LIMS2: variants seen among roughly 807,000 people sequenced by gnomAD.
LIMS2 encodes LIM and senescent cell antigen-like-containing domain protein 2.
A neutral mutation model predicts 45.3 loss-of-function variants in LIMS2; 30 were observed. The ratio of observed to expected loss-of-function variants is 0.66; its 90% CI spans 0.50 to 0.90. The LOEUF (loss-of-function observed/expected upper bound fraction) is 0.90. Ranked by LOEUF, LIMS2 falls within the 40% of genes least tolerant of loss-of-function variation. The pLI is 0.00. For synonymous variants in LIMS2, 173 were observed against 188.0 expected (o/e 0.92, Z 0.65); for missense variants, 485 against 468.7 (o/e 1.03, Z -0.32).
intron 1 of LIMS2, among the ~76,000 whole-genome samples, chr2:127,681,023 A>T (rs750440833): frequency 2.0e-5 from 3 of 152,010 alleles, no homozygotes; most frequent in Non-Finnish European, 2.9e-5. Context: ...TCCCATTGTG[A>T]CCTTCCCACT....
Position 127,639,381 on chromosome 2 carries a change from T to C in LIMS2, c.926A>G (p.Tyr309Cys). The C allele has an allele frequency of 1.9e-6, 3 of 1,613,926 alleles. No homozygotes were observed. The highest frequency in any genetic ancestry group is 2.5e-6 in the Non-Finnish European group (3 of 1,179,892). Residue 309 changes from tyrosine (Y) to cysteine (C), a missense_variant, in exon 10 of 10, where the codon TAC becomes TGC. Transcript: ENST00000355119. ...CTTCAGCTCCAGCGGGAACTTCTCGTAGCACCTCTTACACACGGGCTTCAT... is the reference window on the plus strand; with the variant it reads ...CTTCAGCTCCAGCGGGAACTTCTCGCAGCACCTCTTACACACGGGCTTCAT... ...FDMKPVCKRC[Y>C]EKFPLELKKR...
In LIMS2 at chr2:127,651,761, G is replaced by A. The variant is rs200198327; in HGVS notation, c.359+2663C>T. The A allele has an allele frequency of 2.5e-6, 4 of 1,610,048 alleles. No individual in the cohort carries two copies. In the East Asian group the frequency reaches 8.9e-5, roughly 36 times the overall value. ...GTGCCAAGTCAGAGCTGTGAGCGGGGGGCGCCGTCCAGGCCGAGCGCAGAC... is the reference window on the plus strand; with the variant it reads ...GTGCCAAGTCAGAGCTGTGAGCGGGAGGCGCCGTCCAGGCCGAGCGCAGAC... On this transcript the variant is annotated intron_variant, in intron 4 of 9. Coordinates refer to ENST00000355119, the MANE Select transcript of LIMS2 (RefSeq NM_001161403.3).
chr2:127,672,575 G>A lies in LIMS2; in HGVS notation c.11+2439C>T, dbSNP rs149395417. ...GGCCCACCTCACAGCCAGTCAGTTG[G>A]GTCCTGTCCACTCCACCTCCCAGAA... On this transcript the variant is annotated intron_variant, in intron 1 of 9. Transcript: ENST00000355119. The surrounding 1 kb of genome is among the most constrained non-coding windows in gnomAD (Gnocchi z 4.9). 4.8e-3 allele frequency among the ~76,000 whole-genome samples: 735 copies of A among 152,268 alleles called. 3 individuals are homozygous for A. The highest frequency in any genetic ancestry group is 7.5e-3 in the Non-Finnish European group (512 of 68,020).
chr2:127,660,847 C>T (rs779396410), intron 1 of LIMS2, among the ~76,000 whole-genome samples: 13 of 148,620 alleles, frequency 8.7e-5, no homozygotes, highest in Non-Finnish European at 1.0e-4. Context: ...AGCAGTTCCT[C>T]GGCTGGTCCC....
rs1558901405 is a variant in LIMS2 at position 127,668,693 on chromosome 2, AAAAAAAAAAAAAAAAAAACAC to A, written c.11+6300_11+6320del. On this transcript the variant is annotated intron_variant, in intron 1 of 9. Coordinates refer to ENST00000355119, the MANE Select transcript of LIMS2 (RefSeq NM_001161403.3). ...CAAAAAAAAAAAAAAAAAAAAAAAAAAAAAAAAAAAAAAAAAAACACCTTACTTAAAAATTACAATTTACTT... is the reference window on the plus strand; with the variant it reads ...CAAAAAAAAAAAAAAAAAAAAAAAAACTTACTTAAAAATTACAATTTACTT... Among the ~76,000 whole-genome samples the A allele has an allele frequency of 5.9e-4, 79 of 134,524 alleles. 3 individuals carry two copies. Among genetic ancestry groups the A allele is most frequent in the African/African-American group, 1.6e-3 (51 of 31,894 alleles). 88.3% of individuals were successfully genotyped at this position (134,524 alleles called of 152,430 possible).
chr2:127,661,323 C>T (rs553890442), intron 1 of LIMS2, among the ~76,000 whole-genome samples: 14 of 152,344 alleles, frequency 9.2e-5, no homozygotes, highest in South Asian at 4.1e-4. Flanking sequence ...ATGGCACCCA[C>T]GTGTCCAGCA....
chr2:127,660,960 T>A (rs1350058756), intron 1 of LIMS2, among the ~76,000 whole-genome samples: 10 of 152,150 alleles, frequency 6.6e-5, no homozygotes, highest in Admixed American at 3.3e-4. Flanking sequence ...GGCCACCTCC[T>A]TCCTGTGCCC....
intron 1 of LIMS2, among the ~76,000 whole-genome samples, chr2:127,668,697 A>AAAAAAAAAAAAAAAAAAAAAAAAAAC (rs1685142162): frequency 1.2e-5 from 1 of 85,762 alleles, no homozygotes; most frequent in Non-Finnish European, 2.6e-5. Context: ...AAAAAAAAAA[A>AAAAAAAAAAAAAAAAAAAAAAAAAAC]AAAAAAAAAA....
At position 127,664,361 on chromosome 2, in the gene LIMS2, C is replaced by T. The variant is rs1037569324; in HGVS notation, c.12-6799G>A. 6.6e-6 allele frequency: 8 copies of T among 1,218,206 alleles called. No individual in the cohort carries two copies. The highest frequency in any genetic ancestry group is 3.2e-4 in the Middle Eastern group (1 of 3,120). 75.5% of individuals were successfully genotyped at this position (1,218,206 alleles called of 1,614,324 possible). On this transcript the variant is annotated intron_variant, in intron 1 of 9. Transcript: ENST00000355119. The surrounding 1 kb of genome is among the most constrained non-coding windows in gnomAD (Gnocchi z 5.5). ...TGGCGCCGCCGGTACAGCCCCGACG[C>T]GGCCAGCGCACCCAGCCGGGCCGCC... is the stretch of plus-strand genomic sequence containing the variant.
Position 127,671,445 on chromosome 2 carries a change from A to T in LIMS2, c.11+3569T>A, listed in dbSNP as rs1685266529. 6.6e-6 allele frequency among the ~76,000 whole-genome samples: 1 copy of T among 151,778 alleles called. No individual in the cohort carries two copies. Among genetic ancestry groups the T allele is most frequent in the Non-Finnish European group, 1.5e-5 (1 of 67,930 alleles). ...GAGACTCCATCTCAAAAAAAAAAAA[A>T]AGAGCCTGCATGCGGCACAGCACAG... On this transcript the variant is annotated intron_variant, in intron 1 of 9. Coordinates refer to ENST00000355119, the MANE Select transcript of LIMS2 (RefSeq NM_001161403.3). This position sits in a 1 kb window ranked among gnomAD's most constrained non-coding sequence, Gnocchi z 4.1.
rs1227620697 is a variant in LIMS2, at chr2:127,667,400, T to C, written c.11+7614A>G. On this transcript the variant is annotated intron_variant, in intron 1 of 9. Coordinates refer to ENST00000355119, the MANE Select transcript of LIMS2 (RefSeq NM_001161403.3). The surrounding 1 kb of genome is among the most constrained non-coding windows in gnomAD (Gnocchi z 4.1). ...TACTTCACAACTCATTCTATAAATA[T>C]TATCTTGATCTCAAAATAAAATGCT... 6.6e-6 allele frequency among the ~76,000 whole-genome samples: 1 copy of C among 152,226 alleles called. No homozygotes were observed. The highest frequency in any genetic ancestry group is 1.5e-5 in the Non-Finnish European group (1 of 68,044).
chr2:127,674,346 A>T (rs1225001761), intron 1 of LIMS2: 2 of 153,438 alleles, frequency 1.3e-5, no homozygotes, highest in Non-Finnish European at 2.9e-5. Context: ...TGCAGGGACA[A>T]ACACTGGCCG....
chr2:127,664,715 G>T lies in LIMS2; in HGVS notation c.12-7153C>A. 2 of 610,522 alleles carry T rather than the reference G, an allele frequency of 3.3e-6. No homozygotes were observed. The highest frequency in any genetic ancestry group is 4.1e-6 in the Non-Finnish European group (2 of 487,390). 37.8% of individuals were successfully genotyped at this position (610,522 alleles called of 1,614,324 possible). ...TGAGGTGAGGTCCACAGTGGCGGCA[G>T]GACACCCAGGAGGTCTCCGGCTGCC... On this transcript the variant is annotated intron_variant, in intron 1 of 9. Coordinates refer to ENST00000355119, the MANE Select transcript of LIMS2 (RefSeq NM_001161403.3). This position sits in a 1 kb window ranked among gnomAD's most constrained non-coding sequence, Gnocchi z 5.5.
chr2:127,680,784 C>G (rs771388751), intron 1 of LIMS2, among the ~76,000 whole-genome samples: 2 of 152,258 alleles, frequency 1.3e-5, no homozygotes, highest in Non-Finnish European at 2.9e-5. Flanking sequence ...CCATCTCACT[C>G]TCGCCTTTGC....
Position 127,638,927 on chromosome 2 carries a change from C to T in LIMS2, c.*354G>A. 1 of 277,250 alleles carries T rather than the reference C, an allele frequency of 3.6e-6. No individual in the cohort carries two copies. The allele number at this position is 277,250 out of a possible 1,614,324, so 17.2% of individuals were successfully genotyped here. On this transcript the variant is annotated 3_prime_UTR_variant, in exon 10 of 10. Coordinates refer to ENST00000355119, the MANE Select transcript of LIMS2 (RefSeq NM_001161403.3). The stretch of plus-strand genomic sequence containing the variant: ...AGGGGCTCTCACAGGACAGCATGAG[C>T]CACTGAGCCGCCTGGGGAGGGCCAG...
chr2:127,657,548 G>A lies in LIMS2; in HGVS notation c.26C>T (p.Ala9Val), dbSNP rs1411998942. The A allele has an allele frequency of 6.2e-7, 1 of 1,603,434 alleles. No homozygotes were observed. MTGSNMSD[A>V]LANAVCQRCQ... ...GCGCTGGCACACGGCGTTGGCCAAG[G>A]CGTCCGACATATTGCTGGGGGCAGG... The change falls in exon 2 of 10, where the codon GCC becomes GTC. Residue 9 changes from alanine (A) to valine (V), a missense_variant. Physicochemically the swap from Ala to Val is moderately conservative, Grantham distance 64 (BLOSUM62 0). Transcript: ENST00000355119.
At position 127,672,533 on chromosome 2, in the gene LIMS2, C is replaced by T. The variant is rs757362046; in HGVS notation, c.11+2481G>A. 4.6e-5 allele frequency among the ~76,000 whole-genome samples: 7 copies of T among 152,184 alleles called. No homozygotes were observed. The highest frequency in any genetic ancestry group is 7.3e-5 in the Non-Finnish European group (5 of 68,028). On this transcript the variant is annotated intron_variant, in intron 1 of 9. Transcript: ENST00000355119. The surrounding 1 kb of genome is among the most constrained non-coding windows in gnomAD (Gnocchi z 4.9). ...TGTCATCACAGGAGGGGCATCCTCC[C>T]GAGCCCCACCCTCTGTGGCCCACCT...
intron 1 of LIMS2, among the ~76,000 whole-genome samples, chr2:127,669,182 T>C (rs1009361907): frequency 1.3e-5 from 2 of 152,152 alleles, no homozygotes; most frequent in African/African-American, 2.4e-5. Flanking sequence ...AGTAGTCTTA[T>C]CAACAAATGA....
At chr2:127,673,525 G>A (rs576531698) in intron 1 of LIMS2, among the ~76,000 whole-genome samples, 5 of 152,272 alleles carry the variant, frequency 3.3e-5, no homozygotes, top group East Asian at 1.9e-4. Flanking sequence ...GACGGCCTCC[G>A]TCTCCAGGGA....
Sources: allele counts gnomAD v4.1 joint callset (sites outside exome capture counted in the v4.1 genomes callset), GRCh38; gene constraint gnomAD v4.1.1; non-coding constraint Gnocchi (gnomAD v3.1); transcripts MANE v1.5; gene names NCBI Gene and HGNC (gene_info 2026-07-23, HGNC 2026-07-21).